NRXN3: variants seen among roughly 807,000 people sequenced by gnomAD.
NRXN3 encodes the protein neurexin III.
NRXN3 carries 32 observed loss-of-function variants against 137.6 expected under a neutral mutation model. The observed-to-expected ratio is 0.23, with a 90% CI of 0.18 to 0.31. NRXN3 has a LOEUF of 0.31. NRXN3 is among the 10% of genes least tolerant of loss of function. The pLI is 1.00. For missense variants in NRXN3, 1,574 were observed against 2,062.5 expected, an observed-to-expected ratio of 0.76 and a Z score of 4.59; for synonymous variants, 798 against 784.5, an observed-to-expected ratio of 1.02 and a Z score of -0.29.
intron 6 of NRXN3, among the ~76,000 whole-genome samples, chr14:78,707,088 G>A (rs908805786): frequency 6.6e-6 from 1 of 152,132 alleles, no homozygotes; most frequent in Non-Finnish European, 1.5e-5. Flanking sequence ...AAATAGCTGC[G>A]ACTTTTGTGC....
Position 78,926,910 on chromosome 14 carries a change from ATAT to A in NRXN3, c.2276-30331_2276-30329del, listed in dbSNP as rs1349370057. ...TTTATATATATATATAATATATATA[ATAT>A]ATATATAATATATAATATATTTATA... On this transcript the variant is annotated intron_variant, in intron 10 of 20. Coordinates refer to ENST00000335750, the MANE Select transcript of NRXN3 (RefSeq NM_001330195.2). Among the ~76,000 whole-genome samples the A allele has an allele frequency of 1.3e-4, 4 of 31,250 alleles. 2 individuals are homozygous for A. Among genetic ancestry groups the A allele is most frequent in the African/African-American group, 6.3e-4 (2 of 3,198 alleles). The allele number at this position is 31,250 out of a possible 152,430, so 20.5% of individuals were successfully genotyped here.
At chr14:78,176,433 C>G (rs2153337810) in intron 1 of NRXN3, among the ~76,000 whole-genome samples, 1 of 147,600 alleles carries the variant, frequency 6.8e-6, no homozygotes, top group South Asian at 2.2e-4. Context: ...CCAAACAACT[C>G]AATGCAGTAT....
At chr14:79,391,113 CA>C (rs2094830537) in intron 15 of NRXN3, among the ~76,000 whole-genome samples, 1 of 151,992 alleles carries the variant, frequency 6.6e-6, no homozygotes, top group Admixed American at 6.6e-5. Context: ...TCTGTTATAG[CA>C]GCACTAATGG....
chr14:79,828,374 C>T (rs900432662), intron 20 of NRXN3, among the ~76,000 whole-genome samples: 2 of 151,926 alleles, frequency 1.3e-5, no homozygotes, highest in African/African-American at 4.8e-5. Flanking sequence ...AATCCCAGCA[C>T]TTTGGGAGGC....
intron 8 of NRXN3, among the ~76,000 whole-genome samples, chr14:78,772,337 G>A (rs567231065): frequency 1.6e-4 from 25 of 152,206 alleles, no homozygotes; most frequent in South Asian, 6.2e-4. Flanking sequence ...TGATATTGAC[G>A]CACCATTGAC....
intron 15 of NRXN3, among the ~76,000 whole-genome samples, chr14:79,226,306 TTGC>T (rs948060801): frequency 3.3e-4 from 50 of 152,304 alleles, no homozygotes; most frequent in Admixed American, 5.9e-4. Context: ...TTTTATAAAC[TTGC>T]TGATATGGAA....
chr14:78,402,853 C>T (rs759739023), intron 4 of NRXN3, among the ~76,000 whole-genome samples: 9 of 152,150 alleles, frequency 5.9e-5, no homozygotes, highest in Non-Finnish European at 1.2e-4. Flanking sequence ...ATATTTACAA[C>T]ATAATAAAGA....
At chr14:78,759,684 C>A (rs910558184) in intron 8 of NRXN3, among the ~76,000 whole-genome samples, 1 of 152,154 alleles carries the variant, frequency 6.6e-6, no homozygotes, top group African/African-American at 2.4e-5. Flanking sequence ...TCCTATTTTC[C>A]ATTCAGCGAA....
intron 1 of NRXN3, among the ~76,000 whole-genome samples, chr14:78,202,542 T>G (rs1157461312): frequency 6.6e-6 from 1 of 152,174 alleles, no homozygotes; most frequent in Non-Finnish European, 1.5e-5. Context: ...CTAGGTCACC[T>G]GAAAGTCCCT....
At chr14:79,419,224 A>G (rs1394619008) in intron 15 of NRXN3, among the ~76,000 whole-genome samples, 5 of 152,110 alleles carry the variant, frequency 3.3e-5, no homozygotes, top group Admixed American at 2.0e-4. Flanking sequence ...TCTTTCTGTA[A>G]TTCTTCTGAA....
intron 10 of NRXN3, among the ~76,000 whole-genome samples, chr14:78,816,085 G>A (rs1003623015): frequency 6.6e-6 from 1 of 152,112 alleles, no homozygotes; most frequent in Non-Finnish European, 1.5e-5. Flanking sequence ...CACTTCAAGT[G>A]TAACAATATT....
At chr14:79,593,630 CAAA>C (rs58254245) in intron 16 of NRXN3, among the ~76,000 whole-genome samples, 3 of 74,794 alleles carry the variant, frequency 4.0e-5, no homozygotes, top group Non-Finnish European at 5.5e-5. Context: ...GACTCCGTCT[CAAA>C]AAAAAAAAAA....
intron 15 of NRXN3, among the ~76,000 whole-genome samples, chr14:79,386,785 A>C (rs1159376511): frequency 6.6e-6 from 1 of 152,234 alleles, no homozygotes; most frequent in Non-Finnish European, 1.5e-5. Context: ...CAGAGCCCTC[A>C]GAAATAATGC....
At position 79,768,998 on chromosome 14, in the gene NRXN3, C is replaced by T. The variant is rs574547328; in HGVS notation, c.4015-36114C>T. The stretch of plus-strand genomic sequence containing the variant: ...AACGCAGAAGCCTCAGGAGCCGATG[C>T]GATCAACTGGAAGAAAGGGTATCAG... On this transcript the variant is annotated intron_variant, in intron 19 of 20. Transcript: ENST00000335750. Among the ~76,000 whole-genome samples the T allele has an allele frequency of 6.9e-4, 105 of 151,434 alleles. 1 individual carries two copies. The Middle Eastern group carries it at 0.014, about 20-fold the overall frequency.
chr14:78,778,764 C>CT (rs2098756069), intron 8 of NRXN3, among the ~76,000 whole-genome samples: 1 of 31,090 alleles, frequency 3.2e-5, no homozygotes, highest in Non-Finnish European at 6.0e-5. Context: ...CTTTCTCTTT[C>CT]TTTCTTTCTT....
At chr14:79,656,431 A>G (rs1603362586) in intron 16 of NRXN3, among the ~76,000 whole-genome samples, 1 of 152,126 alleles carries the variant, frequency 6.6e-6, no homozygotes, top group East Asian at 1.9e-4. Flanking sequence ...TGAGAAGTGG[A>G]TGTTCCGAGT....
intron 1 of NRXN3, among the ~76,000 whole-genome samples, chr14:78,173,512 T>C (rs1057500849): frequency 1.3e-5 from 2 of 151,346 alleles, no homozygotes; most frequent in Non-Finnish European, 2.9e-5. Context: ...TGTGTCTCTG[T>C]GTGTGTGTGA....
At chr14:79,537,780 G>A (rs1211358564) in intron 16 of NRXN3, among the ~76,000 whole-genome samples, 2 of 152,178 alleles carry the variant, frequency 1.3e-5, no homozygotes, top group Non-Finnish European at 2.9e-5. Context: ...ATAGCACCAT[G>A]ATTTATAATC....
At chr14:78,844,863 C>A (rs1338232343) in intron 10 of NRXN3, among the ~76,000 whole-genome samples, 2 of 152,080 alleles carry the variant, frequency 1.3e-5, no homozygotes. Context: ...CATAGAATAG[C>A]CACAAAATGG....
Sources: gnomAD v4.1 joint callset for allele counts (sites outside exome capture counted in the v4.1 genomes callset) on GRCh38, gnomAD v4.1.1 for gene constraint, MANE v1.5 for transcripts, NCBI Gene and HGNC (gene_info 2026-07-23, HGNC 2026-07-21) for gene names.